The following IMMP2L variants were observed in gnomAD, a reference collection of about 807,000 sequenced individuals.
The protein encoded by IMMP2L is inner mitochondrial membrane peptidase subunit 2, also known as mitochondrial inner membrane protease subunit 2.
In IMMP2L, 18 loss-of-function variants were observed where a neutral mutation model predicts 19.3. The ratio of observed to expected loss-of-function variants is 0.93; its 90% CI spans 0.64 to 1.38. The LOEUF is 1.38. Ranked by LOEUF, IMMP2L falls within the 40% of genes most tolerant of loss-of-function variation. The pLI, the probability that IMMP2L is intolerant of heterozygous loss-of-function variation, is 0.00. For synonymous variants in IMMP2L, 76 were observed against 73.0 expected, an observed-to-expected ratio of 1.04 and a Z score of -0.21; for missense variants, 233 against 218.2, an observed-to-expected ratio of 1.07 and a Z score of -0.43.
At chr7:111,007,652 C>CGTATGTACACATATAGACAT (rs1168040253) in intron 3 of IMMP2L, among the ~76,000 whole-genome samples, 3 of 151,896 alleles carry the variant, frequency 2.0e-5, no homozygotes, top group Admixed American at 6.6e-5. Flanking sequence ...CTGACGTGTA[C>CGTATGTACACATATAGACAT]GTATGTACAC....
intron 1 of IMMP2L, among the ~76,000 whole-genome samples, chr7:111,551,708 C>CA (rs1023233281): frequency 6.6e-6 from 1 of 151,888 alleles, no homozygotes; most frequent in Admixed American, 6.6e-5. Context: ...ACCACCTCAG[C>CA]AAAATACAAC....
chr7:110,772,403 C>G (rs144875707), intron 5 of IMMP2L, among the ~76,000 whole-genome samples: 1 of 152,118 alleles, frequency 6.6e-6, no homozygotes, highest in Non-Finnish European at 1.5e-5. Flanking sequence ...AGCTTCATTA[C>G]TTTAAGCAGT....
intron 3 of IMMP2L, among the ~76,000 whole-genome samples, chr7:111,083,374 T>C (rs563466997): frequency 4.6e-5 from 7 of 152,310 alleles, no homozygotes; most frequent in Admixed American, 2.0e-4. Flanking sequence ...ATTAGGAGAA[T>C]AAAAATATTG....
rs751616732 is a variant in IMMP2L, at chr7:110,870,961, T to C, written c.408+15632A>G. 6.6e-6 allele frequency among the ~76,000 whole-genome samples: 1 copy of C among 151,942 alleles called. No homozygotes were observed. The highest frequency in any genetic ancestry group is 1.5e-5 in the Non-Finnish European group (1 of 67,970). On this transcript the variant is annotated intron_variant, in intron 5 of 5. Coordinates refer to ENST00000405709, the MANE Select transcript of IMMP2L (RefSeq NM_032549.4). This position sits in a 1 kb window ranked among gnomAD's most constrained non-coding sequence, Gnocchi z 4.2. ...GTTTAGAAGATGAAGAGGGGAAGCA[T>C]GCAGCCCAGTTAGGAGGCCCCTGAT... is the stretch of plus-strand genomic sequence containing the variant.
chr7:110,682,225 T>C (rs565353215), intron 5 of IMMP2L, among the ~76,000 whole-genome samples: 1 of 152,288 alleles, frequency 6.6e-6, no homozygotes, highest in South Asian at 2.1e-4. Flanking sequence ...TTTCTCTTGC[T>C]CTTTACCTTG....
At chr7:111,235,701 T>C (rs1346116264) in intron 3 of IMMP2L, among the ~76,000 whole-genome samples, 1 of 152,026 alleles carries the variant, frequency 6.6e-6, no homozygotes, top group Non-Finnish European at 1.5e-5. Context: ...CTTGGGGTTT[T>C]TTTAGTTTCT....
intron 3 of IMMP2L, among the ~76,000 whole-genome samples, chr7:110,978,189 A>G (rs2129557584): frequency 6.6e-6 from 1 of 152,016 alleles, no homozygotes; most frequent in East Asian, 1.9e-4. Context: ...TTAGTCCACT[A>G]CTTAGTCTCA....
intron 3 of IMMP2L, among the ~76,000 whole-genome samples, chr7:111,151,947 C>G (rs888738996): frequency 6.6e-6 from 1 of 152,026 alleles, no homozygotes; most frequent in Non-Finnish European, 1.5e-5. Context: ...AACAAACGAA[C>G]AAAATCTGAA....
At chr7:110,966,430 C>G (rs1284425767) in intron 3 of IMMP2L, among the ~76,000 whole-genome samples, 1 of 151,926 alleles carries the variant, frequency 6.6e-6, no homozygotes, top group Non-Finnish European at 1.5e-5. Context: ...ATCAAGTTTA[C>G]TGCCTAATAT....
intron 5 of IMMP2L, among the ~76,000 whole-genome samples, chr7:110,768,730 C>T (rs923403426): frequency 6.6e-6 from 1 of 152,072 alleles, no homozygotes; most frequent in African/African-American, 2.4e-5. Context: ...AATAGACATC[C>T]CTCCTTTCTC....
intron 3 of IMMP2L, among the ~76,000 whole-genome samples, chr7:111,161,596 G>T (rs1805268857): frequency 6.6e-6 from 1 of 151,978 alleles, no homozygotes; most frequent in Non-Finnish European, 1.5e-5. Context: ...CTTCAGTAAT[G>T]ATGAATGTTT....
At chr7:111,394,521 G>C (rs1053300869) in intron 3 of IMMP2L, among the ~76,000 whole-genome samples, 6 of 151,928 alleles carry the variant, frequency 3.9e-5, no homozygotes, top group African/African-American at 9.7e-5. Flanking sequence ...TTTTTCATTT[G>C]TCCCCATATT....
At chr7:111,329,042 T>A (rs1295786022) in intron 3 of IMMP2L, among the ~76,000 whole-genome samples, 1 of 151,838 alleles carries the variant, frequency 6.6e-6, no homozygotes, top group African/African-American at 2.4e-5. Flanking sequence ...TCATAAAGCC[T>A]ACAATAATTT....
intron 5 of IMMP2L, 70 bp downstream of exon 5, chr7:110,886,523 C>G (rs1810234485): frequency 2.4e-6 from 2 of 836,434 alleles, no homozygotes. Flanking sequence ...CCTGAATAAC[C>G]TATCTGACAT....
At chr7:111,003,562 A>C (rs926392813) in intron 3 of IMMP2L, among the ~76,000 whole-genome samples, 25 of 151,520 alleles carry the variant, frequency 1.6e-4, no homozygotes, top group African/African-American at 6.1e-4. Flanking sequence ...CCCAGGCTGG[A>C]GTGCAGTGGT....
intron 4 of IMMP2L, among the ~76,000 whole-genome samples, chr7:110,903,462 T>C (rs957344589): frequency 2.6e-5 from 4 of 152,204 alleles, no homozygotes; most frequent in Admixed American, 6.5e-5. Flanking sequence ...TTTGATTCCA[T>C]TGATTTGACT....
At chr7:111,493,910 G>A (rs930666863) in intron 2 of IMMP2L, among the ~76,000 whole-genome samples, 18 of 150,872 alleles carry the variant, frequency 1.2e-4, no homozygotes, top group Non-Finnish European at 2.4e-4. Context: ...TGAGGCAGGA[G>A]AATGGCGTGA....
chr7:111,451,628 G>A (rs1384505719), intron 3 of IMMP2L, among the ~76,000 whole-genome samples: 2 of 149,996 alleles, frequency 1.3e-5, no homozygotes, highest in African/African-American at 4.9e-5. Flanking sequence ...CGAGTTAGGG[G>A]GTGCAGCGCA....
intron 3 of IMMP2L, among the ~76,000 whole-genome samples, chr7:110,967,134 C>T (rs1819619239): frequency 6.6e-6 from 1 of 152,040 alleles, no homozygotes; most frequent in Admixed American, 6.6e-5. Flanking sequence ...TGTTTCTTTA[C>T]TGCATGAGTC....
Sources: gnomAD v4.1 joint callset for allele counts (sites outside exome capture counted in the v4.1 genomes callset) on GRCh38, gnomAD v4.1.1 for gene constraint, Gnocchi (gnomAD v3.1) non-coding constraint, MANE v1.5 for transcripts, NCBI Gene and HGNC (gene_info 2026-07-23, HGNC 2026-07-21) for gene names.